The following CTPS2 variants were observed in gnomAD, a reference collection of about 807,000 sequenced individuals.
The protein encoded by CTPS2 is CTP synthase II.
A neutral mutation model predicts 46.8 loss-of-function variants in CTPS2; 19 were observed. The observed-to-expected ratio is 0.41, with a 90% CI of 0.28 to 0.60. The LOEUF is 0.60. CTPS2 is among the 20% of genes least tolerant of loss of function. The pLI, the probability that CTPS2 is intolerant of heterozygous loss-of-function variation, is 0.35. For synonymous variants in CTPS2, 151 were observed against 165.2 expected (o/e 0.91, Z 0.66); for missense variants, 286 against 447.6 (o/e 0.64, Z 3.26).
intron 13 of CTPS2, among the ~76,000 whole-genome samples, chrX:16,645,124 A>G (rs763585071): frequency 4.6e-5 from 5 of 108,346 alleles, no homozygotes; most frequent in African/African-American, 1.7e-4. Flanking sequence ...CTGGGACTAC[A>G]GGCGCCCGCC....
intron 13 of CTPS2, among the ~76,000 whole-genome samples, chrX:16,666,665 G>GA (rs1921218013): frequency 9.0e-6 from 1 of 111,260 alleles, no homozygotes; most frequent in African/African-American, 3.3e-5. Flanking sequence ...ACACAAAAAA[G>GA]AAAAAAACTC....
intron 1 of CTPS2, among the ~76,000 whole-genome samples, chrX:16,708,959 A>T (rs1361266669): frequency 9.1e-6 from 1 of 110,402 alleles, no homozygotes; most frequent in Non-Finnish European, 1.9e-5. Flanking sequence ...AAATACAAAA[A>T]TTAGCCAGGC....
intron 8 of CTPS2, among the ~76,000 whole-genome samples, chrX:16,685,392 T>C (rs1157782164): frequency 1.8e-5 from 2 of 111,311 alleles, no homozygotes; most frequent in Non-Finnish European, 1.9e-5. Flanking sequence ...CAGGGAGCTC[T>C]CATTCCCCCT....
At chrX:16,702,626 AC>A in intron 2 of CTPS2, 110 bp downstream of exon 2, 1 of 663,228 alleles carries the variant, frequency 1.5e-6, no homozygotes, top group Non-Finnish European at 2.4e-6. Flanking sequence ...TTCATAGCAT[AC>A]GATCTAGTCA....
At position 16,688,034 on chromosome X, in the gene CTPS2, A is replaced by C. The variant is rs759333231; in HGVS notation, c.872+1416T>G. Among the ~76,000 whole-genome samples, 39 of 111,386 alleles carry C rather than the reference A, an allele frequency of 3.5e-4. No homozygotes were observed. The Admixed American group carries it at 3.8e-3, about 11-fold the overall frequency. On this transcript the variant is annotated intron_variant, in intron 8 of 18. Coordinates refer to ENST00000359276, the MANE Select transcript of CTPS2 (RefSeq NM_175859.3). The stretch of plus-strand genomic sequence containing the variant: ...GCCAGGATTTGAGTCCAGAACCTAC[A>C]TACGTAACAGCTGCACCTACTGGCG...
chrX:16,588,964 T>C lies in CTPS2; in HGVS notation c.*853A>G, dbSNP rs762126793. 127 of 112,502 alleles carry C rather than the reference T, an allele frequency of 1.1e-3. No homozygotes were observed. The highest frequency in any genetic ancestry group is 3.8e-3 in the African/African-American group (119 of 31,031). 9.3% of individuals were successfully genotyped at this position (112,502 alleles called of 1,213,427 possible). ...ATGACGCTAGAAGTGGAAAATTCCATAACTGATCTCATGCCAGAAATCACA... is the reference window on the plus strand; with the variant it reads ...ATGACGCTAGAAGTGGAAAATTCCACAACTGATCTCATGCCAGAAATCACA... On this transcript the variant is annotated 3_prime_UTR_variant, in exon 19 of 19. Coordinates refer to ENST00000359276, the MANE Select transcript of CTPS2 (RefSeq NM_175859.3).
chrX:16,639,948 C>T (rs1389223797), intron 13 of CTPS2, among the ~76,000 whole-genome samples: 2 of 111,365 alleles, frequency 1.8e-5, no homozygotes, highest in Non-Finnish European at 3.8e-5. Flanking sequence ...CATAGCCACT[C>T]TGTCAAGTCC....
chrX:16,696,218 A>C (rs1160004853), intron 4 of CTPS2, among the ~76,000 whole-genome samples: 1 of 112,330 alleles, frequency 8.9e-6, no homozygotes, highest in Admixed American at 9.5e-5. Context: ...ATTAAAACTA[A>C]AAATCAGCTT....
At chrX:16,661,763 T>C (rs1932960132) in intron 13 of CTPS2, among the ~76,000 whole-genome samples, 1 of 111,240 alleles carries the variant, frequency 9.0e-6, no homozygotes, top group South Asian at 3.8e-4. Context: ...AAATATCCAT[T>C]TGCATCTCGT....
At chrX:16,608,244 T>TTAATG (rs1930088650) in intron 17 of CTPS2, among the ~76,000 whole-genome samples, 1 of 110,738 alleles carries the variant, frequency 9.0e-6, no homozygotes, top group African/African-American at 3.3e-5. Context: ...TTAATTTAAT[T>TTAATG]TAATTTTAAA....
At chrX:16,702,146 C>T (rs753956223) in intron 2 of CTPS2, among the ~76,000 whole-genome samples, 33 of 110,729 alleles carry the variant, frequency 3.0e-4, no homozygotes, top group African/African-American at 1.1e-3. Context: ...CCTCCGCCTG[C>T]CAGGTTCAAG....
intron 9 of CTPS2, among the ~76,000 whole-genome samples, chrX:16,681,623 G>T (rs1315262060): frequency 9.0e-6 from 1 of 111,212 alleles, no homozygotes; most frequent in Non-Finnish European, 1.9e-5. Context: ...ATAGCTCACC[G>T]CAGTATCAAA....
intron 13 of CTPS2, among the ~76,000 whole-genome samples, chrX:16,660,149 T>C (rs769476249): frequency 1.6e-4 from 18 of 111,738 alleles, no homozygotes; most frequent in Non-Finnish European, 5.6e-5. Context: ...TTTTCCGTAA[T>C]AGTAATGCCA....
chrX:16,629,589 A>G (rs766755224), intron 14 of CTPS2, among the ~76,000 whole-genome samples: 33 of 110,297 alleles, frequency 3.0e-4, no homozygotes, highest in African/African-American at 1.0e-3. Flanking sequence ...TTTCACGAAC[A>G]TTCAATGTTG....
intron 13 of CTPS2, among the ~76,000 whole-genome samples, chrX:16,666,064 T>C (rs894154029): frequency 2.7e-5 from 3 of 112,529 alleles, no homozygotes; most frequent in East Asian, 5.6e-4. Flanking sequence ...ATTATACAGT[T>C]TAAATGGCTA....
intron 16 of CTPS2, among the ~76,000 whole-genome samples, chrX:16,610,651 A>T (rs1243346603): frequency 8.9e-6 from 1 of 112,533 alleles, no homozygotes; most frequent in African/African-American, 3.2e-5. Flanking sequence ...CAAAGAACTT[A>T]AACCAGAATT....
chrX:16,651,995 G>T (rs1328077941), intron 13 of CTPS2, among the ~76,000 whole-genome samples: 2 of 108,365 alleles, frequency 1.8e-5, no homozygotes, highest in African/African-American at 6.7e-5. Context: ...GGATAAGTGG[G>T]GGTTTATGAC....
intron 1 of CTPS2, among the ~76,000 whole-genome samples, chrX:16,704,506 G>C (rs1177714376): frequency 8.9e-6 from 1 of 112,027 alleles, no homozygotes; most frequent in Non-Finnish European, 1.9e-5. Flanking sequence ...GGGTAGGAGG[G>C]AGAGAGGGAT....
rs767559878 is a variant in CTPS2 at position 16,702,807 on chromosome X, G to C, written c.96C>G (p.Leu32=). The change falls in exon 2 of 19, where the codon CTC becomes CTG. Residue 32 remains leucine (L), a synonymous_variant. Transcript: ENST00000359276. ...SIGTILKSCG[L]RVTAIKIDPY... is the part of the protein sequence containing the mutation. ...GGTCGATTTTTATGGCAGTAACTCG[G>C]AGTCCACATGATTTTAGAATCGTTC... 1 of 1,207,531 alleles carries C rather than the reference G, an allele frequency of 8.3e-7. No individual in the cohort carries two copies. The highest frequency in any genetic ancestry group is 1.8e-5 in the African/African-American group (1 of 56,787).
Sources: allele counts gnomAD v4.1 joint callset (sites outside exome capture counted in the v4.1 genomes callset), GRCh38; gene constraint gnomAD v4.1.1; transcripts MANE v1.5; gene names NCBI Gene and HGNC (gene_info 2026-07-23, HGNC 2026-07-21).